Variants in BTAF1 observed in about 807,000 individuals in gnomAD.
BTAF1 encodes B-TFIID TATA-box binding protein associated factor 1, also known as TATA-binding protein-associated factor 172.
Under a neutral mutation model 227.1 loss-of-function variants are expected in BTAF1, and 38 were observed. The observed-to-expected ratio is 0.17, with a 90% CI of 0.13 to 0.22. The LOEUF (loss-of-function observed/expected upper bound fraction) is 0.22, where lower values mean the gene tolerates loss of function less well. Among genes scored for constraint, BTAF1 ranks in the 10% least tolerant of loss-of-function variants. The pLI is 1.00. For missense variants in BTAF1, 1,598 were observed against 2,204.0 expected, an observed-to-expected ratio of 0.73 and a Z score of 5.51; for synonymous variants, 742 against 751.9, an observed-to-expected ratio of 0.99 and a Z score of 0.21.
rs1243399859 is a variant in BTAF1 at position 92,011,429 on chromosome 10, ATTAT to A, written c.4311+17_4311+20del. 1 of 1,180,826 alleles carries A rather than the reference ATTAT, an allele frequency of 8.5e-7. No individual in the cohort carries two copies. The highest frequency in any genetic ancestry group is 1.6e-5 in the African/African-American group (1 of 62,270). 73.1% of individuals were successfully genotyped at this position (1,180,826 alleles called of 1,614,324 possible). On this transcript the variant is annotated intron_variant, in intron 30 of 37. Transcript: ENST00000265990. ...ACACCAATCCAGGTAATTATTTATT[ATTAT>A]TTTTTTTAATTATTTTTATTTTTAT... is the stretch of plus-strand genomic sequence containing the variant.
intron 14 of BTAF1, among the ~76,000 whole-genome samples, chr10:91,974,650 G>A (rs1484483896): frequency 6.6e-6 from 1 of 152,146 alleles, no homozygotes; most frequent in African/African-American, 2.4e-5. Flanking sequence ...TCAGGAGTTT[G>A]AGACCAGCCT....
intron 8 of BTAF1, among the ~76,000 whole-genome samples, chr10:91,958,537 A>G (rs1436416296): frequency 6.6e-6 from 1 of 152,066 alleles, no homozygotes; most frequent in African/African-American, 2.4e-5. Context: ...CCCTGTCTCT[A>G]CTAAAAATAG....
intron 25 of BTAF1, among the ~76,000 whole-genome samples, chr10:92,004,489 A>G (rs1321919761): frequency 6.6e-6 from 1 of 152,088 alleles, no homozygotes; most frequent in Admixed American, 6.5e-5. Flanking sequence ...TGTTTTTGAG[A>G]AAAGGTCTCA....
intron 5 of BTAF1, among the ~76,000 whole-genome samples, chr10:91,953,402 C>T (rs558775140): frequency 6.6e-6 from 1 of 152,108 alleles, no homozygotes; most frequent in South Asian, 2.1e-4. Flanking sequence ...CATTTATTCT[C>T]ATAACTTTTT....
rs1408447468 is a variant in BTAF1, at chr10:91,956,543, T to A, written c.717T>A (p.Asp239Glu). 6 of 1,603,410 alleles carry A rather than the reference T, an allele frequency of 3.7e-6. No homozygotes were observed. The highest frequency in any genetic ancestry group is 1.8e-5 in the Admixed American group (1 of 56,846). ...TATTTTTTAGCAATGATAGCACTGA[T>A]GGGGAGCCAGAAGAAAAGAGACGGA... ...ETNEKSNDST[D>E]GEPEEKRRKI... The change falls in exon 7 of 38, where the codon GAT (aspartate) becomes GAA (glutamate). Residue 239 changes from aspartate (D) to glutamate (E), a missense_variant. By Grantham distance (45) the Asp-to-Glu change is conservative. Coordinates refer to ENST00000265990, the MANE Select transcript of BTAF1 (RefSeq NM_003972.3).
chr10:91,953,931 G>A lies in BTAF1; in HGVS notation c.701+58G>A, dbSNP rs1040882311. On this transcript the variant is annotated intron_variant, in intron 6 of 37. Coordinates refer to ENST00000265990, the MANE Select transcript of BTAF1 (RefSeq NM_003972.3). The stretch of plus-strand genomic sequence containing the variant: ...CAAGAGGGCTCTGTGGCTTTAATCT[G>A]TGTCTGCTTGATTTATAGAAACATT... 20 of 1,581,428 alleles carry A rather than the reference G, an allele frequency of 1.3e-5. No homozygotes were observed. The Middle Eastern group carries it at 5.1e-4, about 40-fold the overall frequency.
At chr10:91,936,049 G>A (rs549559864) in intron 2 of BTAF1, among the ~76,000 whole-genome samples, 2 of 152,076 alleles carry the variant, frequency 1.3e-5, no homozygotes, top group African/African-American at 4.8e-5. Context: ...TTTGTTAGTA[G>A]TCTAACTTGT....
At chr10:91,940,108 C>T (rs756575015) in intron 3 of BTAF1, 42 bp downstream of exon 3, 1 of 1,283,774 alleles carries the variant, frequency 7.8e-7, no homozygotes, top group Non-Finnish European at 1.1e-6. Flanking sequence ...AAAAACCTAA[C>T]TGTAGAATTA....
chr10:92,007,202 T>A (rs1412967534), intron 25 of BTAF1, among the ~76,000 whole-genome samples: 2 of 148,092 alleles, frequency 1.4e-5, no homozygotes, highest in African/African-American at 4.9e-5. Context: ...TATCAAGGTA[T>A]TTTTTGTCTT....
intron 25 of BTAF1, among the ~76,000 whole-genome samples, chr10:92,004,724 G>A (rs2676804): frequency 0.82 from 124,459 of 152,156 alleles, 51,161 homozygotes; most frequent in East Asian, 0.99. Flanking sequence ...TCCTGCCTCA[G>A]TCTCCCAAAG....
At chr10:91,978,160 C>T (rs115958885) in intron 14 of BTAF1, among the ~76,000 whole-genome samples, 2,403 of 152,218 alleles carry the variant, frequency 0.016, 67 homozygotes, top group African/African-American at 0.055. Context: ...TGTGTTCTAC[C>T]CATGTATCCT....
At chr10:91,981,293 G>T (rs542670545) in intron 15 of BTAF1, among the ~76,000 whole-genome samples, 2 of 152,252 alleles carry the variant, frequency 1.3e-5, no homozygotes, top group South Asian at 4.1e-4. Flanking sequence ...TTAAATGTGT[G>T]TTGAATATAG....
intron 14 of BTAF1, 129 bp downstream of exon 14, chr10:91,966,886 C>A: frequency 1.3e-6 from 1 of 763,996 alleles, no homozygotes. Flanking sequence ...GGTATGGTAA[C>A]CATGTAGATG....
Position 91,951,447 on chromosome 10 carries a change from T to C in BTAF1, c.445T>C (p.Leu149=). ...GAGGATAGCACGCCAACGAAAATTATTACAGAAGAAACTTGGCCTTAATAT... is the reference window on the plus strand; with the variant it reads ...GAGGATAGCACGCCAACGAAAATTACTACAGAAGAAACTTGGCCTTAATAT... ...KERIARQRKL[L]QKKLGLNMGE... The change falls in exon 5 of 38, where the codon TTA becomes CTA. Residue 149 remains leucine, a synonymous_variant. Coordinates refer to ENST00000265990, the MANE Select transcript of BTAF1 (RefSeq NM_003972.3). 6.2e-7 allele frequency: 1 copy of C among 1,612,822 alleles called. No homozygotes were observed. The highest frequency in any genetic ancestry group is 8.5e-7 in the Non-Finnish European group (1 of 1,179,616).
At chr10:91,982,853 T>C (rs1848162269) in intron 18 of BTAF1, 92 bp downstream of exon 18, 16 of 1,294,138 alleles carry the variant, frequency 1.2e-5, no homozygotes, top group Non-Finnish European at 1.6e-5. Flanking sequence ...AGTGAAAATT[T>C]TCGATGTATA....
intron 23 of BTAF1, 90 bp downstream of exon 23, chr10:91,994,734 G>C: frequency 9.3e-7 from 1 of 1,076,752 alleles, no homozygotes; most frequent in Non-Finnish European, 1.4e-6. Context: ...CAGCTTTGAT[G>C]TCATCCTTAT....
intron 34 of BTAF1, among the ~76,000 whole-genome samples, chr10:92,022,090 C>CA (rs1263736421): frequency 2.6e-5 from 4 of 152,270 alleles, no homozygotes; most frequent in African/African-American, 9.6e-5. Flanking sequence ...TGAACTCGAT[C>CA]AGTCTCTCAG....
chr10:91,962,050 T>G (rs1244157274), intron 11 of BTAF1, among the ~76,000 whole-genome samples: 1 of 152,222 alleles, frequency 6.6e-6, no homozygotes, highest in African/African-American at 2.4e-5. Flanking sequence ...ATGGGATTAC[T>G]TAGGCTTCTA....
chr10:92,002,014 A>T (rs1451936767), intron 25 of BTAF1, among the ~76,000 whole-genome samples: 2 of 75,234 alleles, frequency 2.7e-5, no homozygotes, highest in Non-Finnish European at 7.0e-5. Flanking sequence ...ACACACACAC[A>T]CTCCATATAT....
Sources: allele counts gnomAD v4.1 joint callset (sites outside exome capture counted in the v4.1 genomes callset), GRCh38; gene constraint gnomAD v4.1.1; transcripts MANE v1.5; gene names NCBI Gene and HGNC (gene_info 2026-07-23, HGNC 2026-07-21).